RGS6: variants seen among roughly 807,000 people sequenced by gnomAD.
RGS6 encodes the protein regulator of G protein signaling 6.
A neutral mutation model predicts 78.5 loss-of-function variants in RGS6; 30 were observed. The ratio of observed to expected loss-of-function variants is 0.38; its 90% CI spans 0.29 to 0.52. RGS6 has a LOEUF of 0.52. RGS6 is among the 20% of genes least tolerant of loss of function. RGS6 has a pLI of 0.85. For missense variants in RGS6, 495 were observed against 609.7 expected (o/e 0.81, Z 1.98); for synonymous variants, 206 against 206.0 (o/e 1.00, Z 0.00).
chr14:72,052,039 G>A (rs1410659272), intron 2 of RGS6, among the ~76,000 whole-genome samples: 2 of 152,138 alleles, frequency 1.3e-5, no homozygotes, highest in Non-Finnish European at 2.9e-5. Context: ...AACGTCAGGT[G>A]GGACAGTGAA....
chr14:72,617,162 T>C, the RGS6 span, among the ~76,000 whole-genome samples: 1 of 152,222 alleles, frequency 6.6e-6, no homozygotes, highest in Non-Finnish European at 1.5e-5. Context: ...CCTGCACTTC[T>C]GTGGAAAACA....
chr14:72,150,673 A>G (rs906037014), intron 2 of RGS6, among the ~76,000 whole-genome samples: 1 of 152,008 alleles, frequency 6.6e-6, no homozygotes, highest in Non-Finnish European at 1.5e-5. Context: ...GAGGTGCTAC[A>G]TACTTCTAAA....
intron 12 of RGS6, among the ~76,000 whole-genome samples, chr14:72,491,318 T>A (rs1359443946): frequency 6.7e-6 from 1 of 150,226 alleles, no homozygotes; most frequent in Non-Finnish European, 1.5e-5. Flanking sequence ...AACGGTGTTC[T>A]ACCACAGCAC....
intron 2 of RGS6, among the ~76,000 whole-genome samples, chr14:72,172,153 C>T (rs1405158426): frequency 6.6e-6 from 1 of 152,064 alleles, no homozygotes; most frequent in Non-Finnish European, 1.5e-5. Flanking sequence ...GATTTCATTC[C>T]TTTCCTAATG....
At chr14:72,623,350 T>C in the RGS6 span, among the ~76,000 whole-genome samples, 1 of 152,188 alleles carries the variant, frequency 6.6e-6, no homozygotes, top group Non-Finnish European at 1.5e-5. Context: ...GGCAAATGAA[T>C]TTGGTTATGT....
intron 1 of RGS6, among the ~76,000 whole-genome samples, chr14:71,940,996 A>G (rs2090445351): frequency 6.6e-6 from 1 of 151,752 alleles, no homozygotes; most frequent in Admixed American, 6.6e-5. Context: ...TTTTTCCACA[A>G]TTTCGGCTCT....
At chr14:72,487,696 C>A (rs2096514901) in intron 12 of RGS6, among the ~76,000 whole-genome samples, 1 of 152,242 alleles carries the variant, frequency 6.6e-6, no homozygotes, top group East Asian at 1.9e-4. Flanking sequence ...CAAATGAATT[C>A]TTCCCTAGAG....
In RGS6 at chr14:72,472,902, G is replaced by T; in HGVS notation, c.567G>T (p.Arg189Ser). The T allele has an allele frequency of 6.2e-7, 1 of 1,613,248 alleles. No homozygotes were observed. The highest frequency in any genetic ancestry group is 8.5e-7 in the Non-Finnish European group (1 of 1,179,596). ...ACCGGAAAAAAGACAAGACAGAAAG[G>T]AAAATTTTGGATAGTCAAGAACGAG... ...KIDRKKDKTE[R>S]KILDSQERAF... The change falls in exon 9 of 18, where the codon AGG becomes AGT. Residue 189 changes from arginine to serine, a missense_variant. Transcript: ENST00000553525.
At chr14:72,484,848 T>G (rs1274710637) in intron 12 of RGS6, among the ~76,000 whole-genome samples, 2 of 152,116 alleles carry the variant, frequency 1.3e-5, no homozygotes, top group East Asian at 3.8e-4. Context: ...GAGAGCTGTT[T>G]GCTATTTAAT....
chr14:71,868,832 G>A, the RGS6 span, among the ~76,000 whole-genome samples: 3 of 152,114 alleles, frequency 2.0e-5, no homozygotes, highest in Non-Finnish European at 2.9e-5. Context: ...TAATGATGGG[G>A]AGCCACAACT....
chr14:72,254,785 A>T (rs2056702697), intron 2 of RGS6, among the ~76,000 whole-genome samples: 1 of 152,148 alleles, frequency 6.6e-6, no homozygotes, highest in African/African-American at 2.4e-5. Context: ...TTGCCAGAGA[A>T]CATCCAGTCC....
chr14:72,455,341 G>A lies in RGS6; in HGVS notation c.235+763G>A, dbSNP rs1412626634. Among the ~76,000 whole-genome samples, 4 of 152,194 alleles carry A rather than the reference G, an allele frequency of 2.6e-5. 1 individual carries two copies. Among genetic ancestry groups the A allele is most frequent in the Admixed American group, 2.6e-4 (4 of 15,280 alleles). On this transcript the variant is annotated intron_variant, in intron 4 of 17. Coordinates refer to ENST00000553525, the MANE Select transcript of RGS6 (RefSeq NM_001204424.2). ...TGATGTTCTTAATGGACATTGGCGT[G>A]ATTAGACTTACCTGCCCCAAATTAA... is the stretch of plus-strand genomic sequence containing the variant.
At chr14:72,042,134 T>TC (rs1273996695) in intron 2 of RGS6, among the ~76,000 whole-genome samples, 3 of 136,950 alleles carry the variant, frequency 2.2e-5, no homozygotes, top group Non-Finnish European at 4.8e-5. Context: ...TTTTTCTTTT[T>TC]TTTTTTTTTT....
chr14:72,250,447 CAAAA>C (rs889506436), intron 2 of RGS6, among the ~76,000 whole-genome samples: 1 of 135,042 alleles, frequency 7.4e-6, no homozygotes, highest in African/African-American at 2.7e-5. Flanking sequence ...AGAAGTTTCT[CAAAA>C]AAAGAAAAAA....
intron 3 of RGS6, among the ~76,000 whole-genome samples, chr14:72,453,901 T>C (rs1412076148): frequency 1.3e-5 from 2 of 152,094 alleles, no homozygotes; most frequent in African/African-American, 4.8e-5. Flanking sequence ...AGGAGAGCCA[T>C]GTAGGAGTTT....
intron 2 of RGS6, among the ~76,000 whole-genome samples, chr14:72,113,849 C>T (rs1225645566): frequency 6.6e-6 from 1 of 152,126 alleles, no homozygotes; most frequent in Non-Finnish European, 1.5e-5. Context: ...AAGAACATTG[C>T]TCATAATGAG....
chr14:72,085,505 C>T (rs2094992208), intron 2 of RGS6, among the ~76,000 whole-genome samples: 1 of 152,138 alleles, frequency 6.6e-6, no homozygotes, highest in Non-Finnish European at 1.5e-5. Flanking sequence ...CTTCAGCAAA[C>T]ACAGCTTACT....
At chr14:72,479,223 A>G (rs1012044390) in intron 12 of RGS6, among the ~76,000 whole-genome samples, 4 of 152,134 alleles carry the variant, frequency 2.6e-5, no homozygotes, top group Non-Finnish European at 5.9e-5. Flanking sequence ...TTTTCTAGAT[A>G]AATTACAACA....
intron 2 of RGS6, among the ~76,000 whole-genome samples, chr14:71,965,242 G>A (rs1039046742): frequency 1.3e-5 from 2 of 152,160 alleles, no homozygotes; most frequent in African/African-American, 4.8e-5. Context: ...GAGATAGAGA[G>A]GTATATTTGT....
Sources: allele counts gnomAD v4.1 joint callset (sites outside exome capture counted in the v4.1 genomes callset), GRCh38; gene constraint gnomAD v4.1.1; transcripts MANE v1.5; gene names NCBI Gene and HGNC (gene_info 2026-07-23, HGNC 2026-07-21).